Variants in PTK2 observed in about 807,000 individuals in gnomAD.
PTK2 encodes protein tyrosine kinase 2, also known as focal adhesion kinase 1.
In PTK2, 45 loss-of-function variants were observed where a neutral mutation model predicts 150.1. The observed-to-expected ratio is 0.30, with a 90% CI of 0.24 to 0.38. The LOEUF (loss-of-function observed/expected upper bound fraction) is 0.38. PTK2 is among the 10% of genes least tolerant of loss of function. The pLI is 1.00. For synonymous variants in PTK2, 432 were observed against 449.2 expected (o/e 0.96, Z 0.48); for missense variants, 919 against 1,307.3 (o/e 0.70, Z 4.58).
At chr8:140,880,383 T>C (rs1370683057) in intron 3 of PTK2, among the ~76,000 whole-genome samples, 4 of 152,186 alleles carry the variant, frequency 2.6e-5, no homozygotes, top group Non-Finnish European at 4.4e-5. Flanking sequence ...GAACTGACTC[T>C]TGCCCTGTAC....
intron 14 of PTK2, among the ~76,000 whole-genome samples, chr8:140,778,270 C>A (rs755248889): frequency 6.6e-6 from 1 of 152,120 alleles, no homozygotes; most frequent in Non-Finnish European, 1.5e-5. Context: ...GAGTTTGAGA[C>A]CAGCTAACAT....
At chr8:140,927,971 A>G (rs1342650612) in intron 1 of PTK2, among the ~76,000 whole-genome samples, 1 of 66,946 alleles carries the variant, frequency 1.5e-5, no homozygotes, top group Non-Finnish European at 2.9e-5. Context: ...AAAAAAAAAA[A>G]AAAAATATAT....
intron 1 of PTK2, among the ~76,000 whole-genome samples, chr8:140,972,154 C>T (rs546526846): frequency 6.6e-6 from 1 of 151,532 alleles, no homozygotes; most frequent in Admixed American, 6.6e-5. Flanking sequence ...AGTTCAAACT[C>T]TAATTTAGCC....
intron 2 of PTK2, among the ~76,000 whole-genome samples, chr8:140,906,778 G>C (rs1290469454): frequency 6.6e-6 from 1 of 152,128 alleles, no homozygotes; most frequent in East Asian, 1.9e-4. Context: ...ATAATTTATT[G>C]CATATTTTAA....
chr8:140,681,258 C>T (rs1005620150), intron 27 of PTK2, among the ~76,000 whole-genome samples: 4 of 151,278 alleles, frequency 2.6e-5, no homozygotes, highest in Admixed American at 1.3e-4. Flanking sequence ...GAGGCTGAGG[C>T]AGGAGAATCT....
At chr8:140,818,460 G>C in intron 9 of PTK2, 106 bp from the exon 10 acceptor site, 1 of 947,258 alleles carries the variant, frequency 1.1e-6, no homozygotes, top group Admixed American at 2.0e-5. Flanking sequence ...GGGCTGGTTT[G>C]GTTTGCTATT....
At chr8:140,823,414 C>A (rs2100110000) in intron 8 of PTK2, among the ~76,000 whole-genome samples, 1 of 151,920 alleles carries the variant, frequency 6.6e-6, no homozygotes, top group Non-Finnish European at 1.5e-5. Context: ...TAAAATTAAC[C>A]TAAAACATTC....
intron 27 of PTK2, among the ~76,000 whole-genome samples, chr8:140,685,654 A>G (rs10102670): frequency 0.019 from 2,925 of 152,310 alleles, 99 homozygotes; most frequent in African/African-American, 0.067. Flanking sequence ...AATATCACTA[A>G]TCATTAGAGA....
chr8:140,708,599 A>C (rs1431811485), intron 23 of PTK2, among the ~76,000 whole-genome samples: 1 of 152,148 alleles, frequency 6.6e-6, no homozygotes, highest in Non-Finnish European at 1.5e-5. Flanking sequence ...ACAGTGTTCC[A>C]GAAAGAGTCT....
At chr8:140,990,329 G>A (rs1183093536) in intron 1 of PTK2, among the ~76,000 whole-genome samples, 3 of 151,782 alleles carry the variant, frequency 2.0e-5, no homozygotes, top group Non-Finnish European at 4.4e-5. Context: ...TGACCTCCCA[G>A]GCACAAGCAG....
At chr8:140,659,820 G>T in intron 31 of PTK2, 142 bp from the exon 36 acceptor site, 1 of 715,130 alleles carries the variant, frequency 1.4e-6, no homozygotes, top group Non-Finnish European at 2.3e-6. Context: ...CTTCCCACTA[G>T]CTGGGAACAC....
At chr8:140,928,540 A>G (rs1399058928) in intron 1 of PTK2, among the ~76,000 whole-genome samples, 1 of 152,240 alleles carries the variant, frequency 6.6e-6, no homozygotes, top group African/African-American at 2.4e-5. Flanking sequence ...AATAGCCAAA[A>G]GGTAGAAGTA....
chr8:140,846,521 A>AGGAAAATACCT, intron 6 of PTK2, 78 bp downstream of exon 6: 1 of 1,291,524 alleles, frequency 7.7e-7, no homozygotes. Context: ...TATGAAGAAA[A>AGGAAAATACCT]GGAAAATACC....
intron 7 of PTK2, among the ~76,000 whole-genome samples, chr8:140,834,554 G>C (rs1385793904): frequency 6.6e-6 from 1 of 152,102 alleles, no homozygotes; most frequent in Non-Finnish European, 1.5e-5. Flanking sequence ...AAGCTACAAA[G>C]AAAAGAGAGG....
At chr8:140,990,721 C>G (rs989471696) in intron 1 of PTK2, among the ~76,000 whole-genome samples, 13 of 152,158 alleles carry the variant, frequency 8.5e-5, no homozygotes, top group Non-Finnish European at 1.8e-4. Flanking sequence ...CCCTACTCTT[C>G]TTCTCTATCT....
At chr8:140,915,155 A>T (rs2100164749) in intron 2 of PTK2, among the ~76,000 whole-genome samples, 1 of 152,142 alleles carries the variant, frequency 6.6e-6, no homozygotes, top group Admixed American at 6.5e-5. Flanking sequence ...CAGCAGCTAA[A>T]CCAAAGAAGT....
At chr8:140,928,651 T>C (rs968371350) in intron 1 of PTK2, among the ~76,000 whole-genome samples, 1 of 152,216 alleles carries the variant, frequency 6.6e-6, no homozygotes, top group Admixed American at 6.5e-5. Flanking sequence ...ATGCTGAACC[T>C]TGAGGACATT....
chr8:140,891,941 C>T (rs1375598330), intron 2 of PTK2, among the ~76,000 whole-genome samples: 1 of 152,316 alleles, frequency 6.6e-6, no homozygotes, highest in East Asian at 1.9e-4. Context: ...TATGGCTGCT[C>T]ATGCCTGTAA....
chr8:140,895,501 AAC>A (rs2100155804), intron 2 of PTK2, among the ~76,000 whole-genome samples: 1 of 150,486 alleles, frequency 6.6e-6, no homozygotes, highest in African/African-American at 2.4e-5. Context: ...CAGCCTGAGC[AAC>A]AGAGCACAAC....
Sources: gnomAD v4.1 joint callset for allele counts (sites outside exome capture counted in the v4.1 genomes callset) on GRCh38, gnomAD v4.1.1 for gene constraint, MANE v1.5 for transcripts, NCBI Gene and HGNC (gene_info 2026-07-23, HGNC 2026-07-21) for gene names.